Variants in ANKHD1 observed in about 807,000 individuals in gnomAD.
ANKHD1 encodes ankyrin repeat and KH domain containing 1, also known as ankyrin repeat and KH domain-containing protein 1.
ANKHD1 carries 31 observed loss-of-function variants against 230.5 expected under a neutral mutation model. The ratio of observed to expected loss-of-function variants is 0.13; its 90% confidence interval spans 0.10 to 0.18. The LOEUF (loss-of-function observed/expected upper bound fraction) is 0.18, where lower values mean the gene tolerates loss of function less well. Ranked by LOEUF, ANKHD1 falls within the 10% of genes least tolerant of loss-of-function variation. ANKHD1 has a pLI of 1.00. For missense variants in ANKHD1, 2,256 were observed against 3,071.3 expected (o/e 0.73, Z 6.27); for synonymous variants, 1,074 against 1,117.6 (o/e 0.96, Z 0.78).
Position 140,527,830 on chromosome 5 carries a change from G to A in ANKHD1, c.5088-43G>A. On this transcript the variant is annotated intron_variant, in intron 27 of 33. Coordinates refer to ENST00000360839, the MANE Select transcript of ANKHD1 (RefSeq NM_017747.3). This position sits in a 1 kb window ranked among gnomAD's most constrained non-coding sequence, Gnocchi z 4.5. Reference sequence around the variant, plus strand: ...ACTAAGACATCTTTCTTAATAAAGAGACATTTAATTTCATAAGCTCATGTG... The same window carrying A: ...ACTAAGACATCTTTCTTAATAAAGAAACATTTAATTTCATAAGCTCATGTG... 1 of 1,562,554 alleles carries A rather than the reference G, an allele frequency of 6.4e-7. No homozygotes were observed. Among genetic ancestry groups the A allele is most frequent in the Non-Finnish European group, 8.7e-7 (1 of 1,153,664 alleles).
intron 10 of ANKHD1, among the ~76,000 whole-genome samples, chr5:140,476,970 A>C (rs994757910): frequency 6.6e-6 from 1 of 152,136 alleles, no homozygotes; most frequent in African/African-American, 2.4e-5. Flanking sequence ...TTTAAAGAAA[A>C]ATAGAATCGT....
At chr5:140,449,587 G>A (rs898656462) in intron 7 of ANKHD1, among the ~76,000 whole-genome samples, 4 of 151,942 alleles carry the variant, frequency 2.6e-5, no homozygotes, top group Admixed American at 6.6e-5. Flanking sequence ...GCTTGAACCC[G>A]GGAGATGGAG....
chr5:140,430,718 G>T (rs868526950), intron 1 of ANKHD1, among the ~76,000 whole-genome samples: 3 of 149,958 alleles, frequency 2.0e-5, no homozygotes, highest in Non-Finnish European at 4.4e-5. Flanking sequence ...AAGTGGAATG[G>T]CATGATCATG....
At chr5:140,433,820 T>C (rs1773243115) in intron 1 of ANKHD1, among the ~76,000 whole-genome samples, 1 of 152,112 alleles carries the variant, frequency 6.6e-6, no homozygotes, top group Non-Finnish European at 1.5e-5. Context: ...TTATAATTTT[T>C]CCACTGGAAT....
chr5:140,403,709 A>G (rs1770183782), intron 1 of ANKHD1, among the ~76,000 whole-genome samples: 1 of 152,140 alleles, frequency 6.6e-6, no homozygotes, highest in Non-Finnish European at 1.5e-5. Flanking sequence ...TGCGTAGAGT[A>G]CTGTACCGTG....
chr5:140,447,586 A>G (rs1288791492), intron 6 of ANKHD1, among the ~76,000 whole-genome samples: 1 of 152,220 alleles, frequency 6.6e-6, no homozygotes, highest in Non-Finnish European at 1.5e-5. Flanking sequence ...AATTGGTTGC[A>G]TATGTCACAA....
intron 1 of ANKHD1, among the ~76,000 whole-genome samples, chr5:140,434,412 A>G (rs1400078426): frequency 6.7e-6 from 1 of 149,924 alleles, no homozygotes; most frequent in East Asian, 1.9e-4. Context: ...ACAGTAATAT[A>G]TATAGTATAT....
Position 140,402,151 on chromosome 5 carries a change from G to A in ANKHD1, c.184G>A (p.Gly62Ser), listed in dbSNP as rs1769994227. Residue 62 changes from glycine (G) to serine (S), a missense_variant, in exon 1 of 34, where the codon GGC (glycine) becomes AGC (serine). By Grantham distance (56) the Gly-to-Ser change is moderately conservative. Transcript: ENST00000360839. ...PASGVGSSGG[G>S]GSGSGTGGGD... ...GTCGGGAGTCGGCAGCAGCGGCGGC[G>A]GCGGCAGCGGCAGCGGTACGGGCGG... The A allele has an allele frequency of 5.9e-6, 9 of 1,533,554 alleles. No homozygotes were observed. Among genetic ancestry groups the A allele is most frequent in the Non-Finnish European group, 7.9e-6 (9 of 1,145,620 alleles). 95.0% of individuals were successfully genotyped at this position (1,533,554 alleles called of 1,614,324 possible).
At position 140,485,226 on chromosome 5, in the gene ANKHD1, C is replaced by G; in HGVS notation, c.1976C>G (p.Ala659Gly). The G allele has an allele frequency of 6.2e-7, 1 of 1,613,656 alleles. No homozygotes were observed. Among genetic ancestry groups the G allele is most frequent in the Non-Finnish European group, 8.5e-7 (1 of 1,179,730 alleles). ...AVVELLLAHG[A>G]DPTHRLKDGS... ...GTTGAGCTTCTCTTGGCTCATGGGG[C>G]TGACCCTACTCATCGACTCAAGGTA... Residue 659 changes from alanine to glycine, a missense_variant, in exon 12 of 34, where the codon GCT becomes GGT. Transcript: ENST00000360839. The surrounding 1 kb of genome is among the most constrained non-coding windows in gnomAD (Gnocchi z 4.8).
intron 22 of ANKHD1, 124 bp downstream of exon 22, chr5:140,510,305 C>CATT: frequency 1.0e-4 from 86 of 852,146 alleles, no homozygotes; most frequent in Non-Finnish European, 1.3e-4. Context: ...GCTATCTTTC[C>CATT]ATTCTTTTTT....
intron 10 of ANKHD1, among the ~76,000 whole-genome samples, chr5:140,468,484 C>G (rs1581299729): frequency 1.3e-5 from 2 of 152,058 alleles, no homozygotes; most frequent in African/African-American, 4.8e-5. Flanking sequence ...CTTCCTGGAA[C>G]TTATTTCCTT....
chr5:140,525,834 T>TCA (rs1554094156), intron 25 of ANKHD1, among the ~76,000 whole-genome samples, 162 bp from the exon 26 acceptor site: 2,312 of 126,768 alleles, frequency 0.018, 64 homozygotes, highest in African/African-American at 0.063. Context: ...AGACTCCATC[T>TCA]AAAAAAAAAA....
chr5:140,524,937 TAAAA>T, intron 25 of ANKHD1: 4 of 288,962 alleles, frequency 1.4e-5, no homozygotes, highest in South Asian at 2.7e-5. Context: ...CGTCTCTACT[TAAAA>T]AAAAAAAAAA....
chr5:140,456,657 A>C (rs947168855), intron 7 of ANKHD1, among the ~76,000 whole-genome samples: 1 of 152,256 alleles, frequency 6.6e-6, no homozygotes, highest in Admixed American at 6.5e-5. Context: ...CTGGCTAGCC[A>C]TATGTAGAAA....
chr5:140,536,065 A>T (rs1339247701), intron 30 of ANKHD1, among the ~76,000 whole-genome samples: 1 of 152,056 alleles, frequency 6.6e-6, no homozygotes, highest in Non-Finnish European at 1.5e-5. Flanking sequence ...GCCTTTTATA[A>T]GTTAAAATAT....
intron 24 of ANKHD1, among the ~76,000 whole-genome samples, chr5:140,516,801 G>A (rs892526727): frequency 6.6e-6 from 1 of 151,682 alleles, no homozygotes; most frequent in Non-Finnish European, 1.5e-5. Context: ...ACTAAACATG[G>A]AAAGGAACAA....
In ANKHD1 at chr5:140,538,994, C is replaced by T. The variant is rs1372641166; in HGVS notation, c.7480C>T (p.Leu2494=). The change falls in exon 33 of 34, where the codon CTG becomes TTG. Residue 2494 remains leucine (L), a synonymous_variant. Transcript: ENST00000360839. ...GCTTGCTGATGTTCCAGGAGGCCCT[C>T]TGTTTAATGGACTTCACAATCCAGA... is the stretch of plus-strand genomic sequence containing the variant. ...PQLADVPGGP[L]FNGLHNPDPA... is the part of the protein sequence containing the mutation. 4.3e-6 allele frequency: 7 copies of T among 1,611,250 alleles called. No homozygotes were observed. The highest frequency in any genetic ancestry group is 5.9e-6 in the Non-Finnish European group (7 of 1,178,684).
chr5:140,492,995 T>C (rs1197885429), intron 14 of ANKHD1, among the ~76,000 whole-genome samples: 2 of 152,162 alleles, frequency 1.3e-5, no homozygotes, highest in Non-Finnish European at 2.9e-5. Flanking sequence ...GTTTTGTTAA[T>C]GGAGGGAAAG....
intron 10 of ANKHD1, among the ~76,000 whole-genome samples, chr5:140,479,069 G>C (rs1561781584): frequency 6.6e-6 from 1 of 150,892 alleles, no homozygotes. Flanking sequence ...CACGATCTTG[G>C]CTCGCTGCAA....
Sources: gnomAD v4.1 joint callset for allele counts (sites outside exome capture counted in the v4.1 genomes callset) on GRCh38, gnomAD v4.1.1 for gene constraint, Gnocchi (gnomAD v3.1) non-coding constraint, MANE v1.5 for transcripts, NCBI Gene and HGNC (gene_info 2026-07-23, HGNC 2026-07-21) for gene names.